Variants in CACNB4 observed in about 807,000 individuals in gnomAD.
CACNB4 encodes voltage-dependent L-type calcium channel subunit beta-4.
In CACNB4, 32 loss-of-function variants were observed where a neutral mutation model predicts 71.2. That is an observed-to-expected ratio of 0.45 (90% CI 0.34 to 0.60). The LOEUF is 0.60. Ranked by LOEUF, CACNB4 falls within the 20% of genes least tolerant of loss-of-function variation. The pLI, the probability that CACNB4 is intolerant of heterozygous loss-of-function variation, is 0.01. For missense variants in CACNB4, 464 were observed against 647.9 expected, an observed-to-expected ratio of 0.72 and a Z score of 3.08; for synonymous variants, 231 against 236.9, an observed-to-expected ratio of 0.97 and a Z score of 0.23.
intron 2 of CACNB4, among the ~76,000 whole-genome samples, chr2:151,917,004 C>T (rs1006475663): frequency 4.6e-5 from 7 of 152,172 alleles, no homozygotes; most frequent in African/African-American, 1.4e-4. Flanking sequence ...CCTTAATATG[C>T]GGTTTGCTTT....
At chr2:152,043,304 G>A (rs963139674) in intron 2 of CACNB4, among the ~76,000 whole-genome samples, 17 of 152,160 alleles carry the variant, frequency 1.1e-4, no homozygotes, top group African/African-American at 4.1e-4. Context: ...ATCCAAGAAC[G>A]TTCTCTTGGG....
At chr2:151,853,401 C>A (rs2099839537) in intron 12 of CACNB4, 47 bp downstream of exon 12, 1 of 1,146,192 alleles carries the variant, frequency 8.7e-7, no homozygotes, top group Admixed American at 2.6e-5. Flanking sequence ...AACCCACCCT[C>A]TTCTAACTAG....
chr2:151,936,325 A>G (rs2099862910), intron 2 of CACNB4: 1 of 152,206 alleles, frequency 6.6e-6, no homozygotes, highest in Admixed American at 6.5e-5. Flanking sequence ...CTTGCAAGGA[A>G]AGATCATGTT....
At chr2:151,863,417 C>T (rs2099842259) in intron 9 of CACNB4, among the ~76,000 whole-genome samples, 3 of 152,072 alleles carry the variant, frequency 2.0e-5, no homozygotes, top group Admixed American at 1.3e-4. Flanking sequence ...AAGAATGGAG[C>T]TGCTGGATAG....
intron 2 of CACNB4, among the ~76,000 whole-genome samples, chr2:152,064,941 A>G (rs910177725): frequency 1.6e-4 from 24 of 152,206 alleles, no homozygotes; most frequent in Non-Finnish European, 2.9e-4. Context: ...TTGACCCTTG[A>G]GTTCACAATC....
chr2:151,912,016 T>A (rs1317132032), intron 2 of CACNB4, among the ~76,000 whole-genome samples: 1 of 152,166 alleles, frequency 6.6e-6, no homozygotes, highest in East Asian at 1.9e-4. Flanking sequence ...AGTGGGGATA[T>A]CCCCTTTATC....
intron 2 of CACNB4, among the ~76,000 whole-genome samples, chr2:151,902,916 C>G (rs1051194498): frequency 6.6e-6 from 1 of 152,102 alleles, no homozygotes; most frequent in African/African-American, 2.4e-5. Flanking sequence ...TTGCTACTAT[C>G]GGGTTAAAAT....
chr2:152,084,912 C>T (rs941827753), intron 2 of CACNB4, among the ~76,000 whole-genome samples: 3 of 151,842 alleles, frequency 2.0e-5, no homozygotes, highest in Non-Finnish European at 2.9e-5. Context: ...GGCGTGATTA[C>T]GGGCATAATG....
intron 2 of CACNB4, among the ~76,000 whole-genome samples, chr2:152,030,743 C>T (rs1684240925): frequency 1.3e-5 from 2 of 152,216 alleles, no homozygotes; most frequent in Non-Finnish European, 2.9e-5. Flanking sequence ...TGATGGTTTC[C>T]AGCTGCCTCC....
intron 2 of CACNB4, among the ~76,000 whole-genome samples, chr2:152,031,189 C>T (rs2105188986): frequency 6.6e-6 from 1 of 152,230 alleles, no homozygotes; most frequent in East Asian, 1.9e-4. Flanking sequence ...GTTTTAGCAC[C>T]TAATATTGTA....
intron 2 of CACNB4, among the ~76,000 whole-genome samples, chr2:151,913,186 G>A (rs1253829984): frequency 1.3e-5 from 2 of 152,174 alleles, no homozygotes; most frequent in East Asian, 3.9e-4. Context: ...GTATTGCTAT[G>A]TGTGAATCTG....
At chr2:152,096,076 A>C (rs1016709809) in intron 2 of CACNB4, among the ~76,000 whole-genome samples, 1 of 152,340 alleles carries the variant, frequency 6.6e-6, no homozygotes, top group Non-Finnish European at 1.5e-5. Context: ...TCCTTATCTC[A>C]TCAAAGAAAT....
intron 2 of CACNB4, among the ~76,000 whole-genome samples, chr2:151,911,894 C>T (rs989138463): frequency 1.4e-4 from 21 of 151,854 alleles, no homozygotes; most frequent in African/African-American, 5.1e-4. Flanking sequence ...GGTTTAATCT[C>T]GGTAGGGTGT....
intron 2 of CACNB4, among the ~76,000 whole-genome samples, chr2:151,955,717 C>T (rs1382253553): frequency 6.6e-6 from 1 of 151,920 alleles, no homozygotes. Flanking sequence ...CCAGCCCCGG[C>T]AACATAGTGA....
intron 2 of CACNB4, chr2:151,968,281 A>C (rs1391321082): frequency 6.6e-6 from 1 of 152,196 alleles, no homozygotes; most frequent in Non-Finnish European, 1.5e-5. Context: ...TGCTGTTTTC[A>C]CAGCCGCCAG....
intron 2 of CACNB4, among the ~76,000 whole-genome samples, chr2:151,900,924 T>C (rs1447005446): frequency 6.6e-6 from 1 of 152,102 alleles, no homozygotes; most frequent in Non-Finnish European, 1.5e-5. Flanking sequence ...CATCTTTTAA[T>C]TTAACCATTT....
At chr2:151,873,838 T>C (rs1458079884) in intron 5 of CACNB4, 3 of 152,050 alleles carry the variant, frequency 2.0e-5, no homozygotes, top group South Asian at 2.1e-4. Flanking sequence ...GCAAATCTCA[T>C]GTTGAGATGT....
chr2:151,849,917 T>C (rs1322997181), intron 12 of CACNB4, among the ~76,000 whole-genome samples: 2 of 152,110 alleles, frequency 1.3e-5, no homozygotes, highest in African/African-American at 2.4e-5. Context: ...CGAAGTTTGA[T>C]TGGAACACAG....
intron 2 of CACNB4, among the ~76,000 whole-genome samples, chr2:151,940,818 G>T (rs1237173936): frequency 1.3e-5 from 2 of 152,188 alleles, no homozygotes; most frequent in Non-Finnish European, 1.5e-5. Context: ...TGAATATATT[G>T]TCACCAGGGC....
Sources: gnomAD v4.1 joint callset for allele counts (sites outside exome capture counted in the v4.1 genomes callset) on GRCh38, gnomAD v4.1.1 for gene constraint, MANE v1.5 for transcripts, NCBI Gene and HGNC (gene_info 2026-07-23, HGNC 2026-07-21) for gene names.